KCNMB2: variants seen among roughly 807,000 people sequenced by gnomAD.
KCNMB2 encodes the protein calcium-activated potassium channel subunit beta-2.
KCNMB2 carries 9 observed loss-of-function variants against 24.5 expected under a neutral mutation model. That is an observed-to-expected ratio of 0.37 (90% CI 0.22 to 0.64). The LOEUF (loss-of-function observed/expected upper bound fraction) is 0.64. KCNMB2 is among the 30% of genes least tolerant of loss of function. The probability of loss-of-function intolerance (pLI) is 0.63; values close to 1 mark genes in which losing one functional copy is unlikely to be tolerated. For synonymous variants in KCNMB2, 109 were observed against 104.4 expected (o/e 1.04, Z -0.27); for missense variants, 226 against 284.3 (o/e 0.79, Z 1.47).
chr3:178,688,731 T>G (rs1363598469), intron 1 of KCNMB2, among the ~76,000 whole-genome samples: 1 of 152,158 alleles, frequency 6.6e-6, no homozygotes, highest in East Asian at 1.9e-4. Flanking sequence ...ATTTAAAGTT[T>G]TTGTGAACTT....
intron 1 of KCNMB2, among the ~76,000 whole-genome samples, chr3:178,562,586 T>C (rs538178671): frequency 6.6e-6 from 1 of 152,384 alleles, no homozygotes; most frequent in South Asian, 2.1e-4. Flanking sequence ...TCTTCAGTAA[T>C]GCCTTGGTGC....
intron 1 of KCNMB2, among the ~76,000 whole-genome samples, chr3:178,653,569 T>A (rs1289009109): frequency 6.6e-6 from 1 of 152,084 alleles, no homozygotes; most frequent in Non-Finnish European, 1.5e-5. Context: ...TTCTATAGAG[T>A]TAAACAAGGC....
intron 1 of KCNMB2, among the ~76,000 whole-genome samples, chr3:178,563,478 C>A (rs1716397862): frequency 6.6e-6 from 1 of 152,032 alleles, no homozygotes; most frequent in Non-Finnish European, 1.5e-5. Flanking sequence ...GGGTCCAGGC[C>A]TAGATGGTTC....
intron 1 of KCNMB2, among the ~76,000 whole-genome samples, chr3:178,637,716 T>C (rs1223177696): frequency 6.6e-6 from 1 of 152,192 alleles, no homozygotes. Context: ...AACCTGGAGA[T>C]ACTAGGTAGT....
At chr3:178,574,290 A>C (rs1716912106) in intron 1 of KCNMB2, among the ~76,000 whole-genome samples, 2 of 152,244 alleles carry the variant, frequency 1.3e-5, no homozygotes, top group African/African-American at 4.8e-5. Context: ...ACACACAGGC[A>C]GCAGGCTGTG....
chr3:178,757,832 TC>T lies in KCNMB2; in HGVS notation c.-67-49509del, dbSNP rs1369985593. Among the ~76,000 whole-genome samples, 15 of 76,490 alleles carry T rather than the reference TC, an allele frequency of 2.0e-4. 2 individuals are homozygous for T. In the Admixed American group the frequency reaches 2.2e-3, roughly 11 times the overall value. 50.2% of individuals were successfully genotyped at this position (76,490 alleles called of 152,430 possible). The stretch of plus-strand genomic sequence containing the variant: ...AAGAGGATATATATATACACATCCA[TC>T]CAAGAGGATATATATATCCAAGAGG... On this transcript the variant is annotated intron_variant, in intron 1 of 4. Transcript: ENST00000452583.
Position 178,683,332 on chromosome 3 carries a change from G to C in KCNMB2, c.-67-124011G>C, listed in dbSNP as rs1433902050. 5.9e-5 allele frequency among the ~76,000 whole-genome samples: 9 copies of C among 151,620 alleles called. No homozygotes were observed. In the East Asian group the frequency reaches 1.7e-3, roughly 29 times the overall value. On this transcript the variant is annotated intron_variant, in intron 1 of 4. Transcript: ENST00000452583. The stretch of plus-strand genomic sequence containing the variant: ...ACTGGGGACTACTAGATGGCACAGA[G>C]AGGGGAGGGAGACAAGTCTCAAAAA...
At chr3:178,613,184 G>C (rs1396958224) in intron 1 of KCNMB2, among the ~76,000 whole-genome samples, 1 of 152,120 alleles carries the variant, frequency 6.6e-6, no homozygotes, top group African/African-American at 2.4e-5. Context: ...TATTACATGA[G>C]GTCAAGAGTT....
At chr3:178,596,934 T>C (rs1215881585) in intron 1 of KCNMB2, among the ~76,000 whole-genome samples, 1 of 152,164 alleles carries the variant, frequency 6.6e-6, no homozygotes, top group Non-Finnish European at 1.5e-5. Flanking sequence ...ATCCATTGTC[T>C]GCTTCATATT....
chr3:178,599,873 G>A (rs745547011), intron 1 of KCNMB2, among the ~76,000 whole-genome samples: 24 of 151,938 alleles, frequency 1.6e-4, no homozygotes, highest in Admixed American at 5.3e-4. Context: ...TTCTCTTTTG[G>A]TGACTAGCCT....
chr3:178,810,011 T>C (rs1206308119), intron 2 of KCNMB2, among the ~76,000 whole-genome samples: 1 of 149,276 alleles, frequency 6.7e-6, no homozygotes, highest in Non-Finnish European at 1.5e-5. Flanking sequence ...AGTTAATTTG[T>C]CTGTGCTTTT....
At chr3:178,820,041 TTA>T (rs1404105331) in intron 2 of KCNMB2, among the ~76,000 whole-genome samples, 2 of 152,264 alleles carry the variant, frequency 1.3e-5, no homozygotes, top group African/African-American at 4.8e-5. Flanking sequence ...AAAATACACT[TTA>T]TGATTGAACA....
intron 1 of KCNMB2, among the ~76,000 whole-genome samples, chr3:178,610,845 A>T (rs1173006469): frequency 6.6e-6 from 1 of 152,210 alleles, no homozygotes; most frequent in Admixed American, 6.5e-5. Flanking sequence ...TTCCCCACTT[A>T]ATATGATACT....
At chr3:178,712,144 G>T (rs1722472970) in intron 1 of KCNMB2, among the ~76,000 whole-genome samples, 1 of 152,174 alleles carries the variant, frequency 6.6e-6, no homozygotes, top group South Asian at 2.1e-4. Flanking sequence ...TTCAAACCAG[G>T]AGATTAATAG....
At chr3:178,785,707 T>G (rs2108435956) in intron 1 of KCNMB2, among the ~76,000 whole-genome samples, 1 of 152,218 alleles carries the variant, frequency 6.6e-6, no homozygotes, top group African/African-American at 2.4e-5. Context: ...TTGTAAAAAC[T>G]TATTCAACTG....
chr3:178,834,414 C>T (rs1203743997), intron 4 of KCNMB2, among the ~76,000 whole-genome samples: 2 of 152,156 alleles, frequency 1.3e-5, no homozygotes, highest in Non-Finnish European at 2.9e-5. Context: ...GACAAGAGTT[C>T]TGAAAAATCC....
intron 1 of KCNMB2, among the ~76,000 whole-genome samples, chr3:178,545,015 A>G (rs1715732571): frequency 6.6e-6 from 1 of 152,232 alleles, no homozygotes; most frequent in Non-Finnish European, 1.5e-5. Flanking sequence ...CCTTATCTTT[A>G]TTTACCAGAC....
At chr3:178,798,387 A>G (rs541606607) in intron 1 of KCNMB2, among the ~76,000 whole-genome samples, 6 of 151,600 alleles carry the variant, frequency 4.0e-5, no homozygotes, top group South Asian at 2.1e-4. Flanking sequence ...TTTTGTGTTT[A>G]TTTGTTTGTT....
intron 1 of KCNMB2, among the ~76,000 whole-genome samples, chr3:178,797,404 A>T (rs2108445056): frequency 6.6e-6 from 1 of 152,292 alleles, no homozygotes; most frequent in South Asian, 2.1e-4. Context: ...TATTACCCAG[A>T]CACAAAAACC....
Sources: allele counts gnomAD v4.1 joint callset (sites outside exome capture counted in the v4.1 genomes callset), GRCh38; gene constraint gnomAD v4.1.1; transcripts MANE v1.5; gene names NCBI Gene and HGNC (gene_info 2026-07-23, HGNC 2026-07-21).